Variants in MGMT observed in about 807,000 individuals in gnomAD.
MGMT encodes the protein methylated-DNA--protein-cysteine methyltransferase.
A neutral mutation model predicts 15.9 loss-of-function variants in MGMT; 14 were observed. That is an observed-to-expected ratio of 0.88 (90% CI 0.58 to 1.37). MGMT has a LOEUF of 1.37. MGMT is among the 40% of genes most tolerant of loss of function. The pLI, the probability that MGMT is intolerant of heterozygous loss-of-function variation, is 0.00. For synonymous variants in MGMT, 130 were observed against 118.2 expected (o/e 1.10, Z -0.65); for missense variants, 282 against 268.1 (o/e 1.05, Z -0.36).
intron 3 of MGMT, among the ~76,000 whole-genome samples, chr10:129,753,952 G>A (rs988500466): frequency 1.3e-5 from 2 of 152,158 alleles, no homozygotes; most frequent in African/African-American, 4.8e-5. Context: ...CAACCTGGTT[G>A]GATTTAGTTA....
intron 2 of MGMT, among the ~76,000 whole-genome samples, chr10:129,695,713 G>C (rs1044318996): frequency 6.6e-6 from 1 of 152,206 alleles, no homozygotes; most frequent in Non-Finnish European, 1.5e-5. Context: ...GCTCACAGGA[G>C]AAAGCAAGCC....
intron 1 of MGMT, among the ~76,000 whole-genome samples, chr10:129,477,624 C>T (rs893464584): frequency 6.6e-6 from 1 of 152,104 alleles, no homozygotes; most frequent in Non-Finnish European, 1.5e-5. Context: ...GAGGACACAG[C>T]GAGGAGGAGG....
At chr10:129,707,150 G>A (rs115653091) in intron 2 of MGMT, among the ~76,000 whole-genome samples, 2,934 of 152,054 alleles carry the variant, frequency 0.019, 74 homozygotes, top group East Asian at 0.067. Flanking sequence ...GGTGGCAGTC[G>A]CCTGTAATCC....
chr10:129,762,211 A>T (rs1848882238), intron 4 of MGMT, among the ~76,000 whole-genome samples: 1 of 152,256 alleles, frequency 6.6e-6, no homozygotes, highest in Non-Finnish European at 1.5e-5. Flanking sequence ...CATTGAAAAC[A>T]TCCCTTATAT....
At chr10:129,520,533 C>CAG (rs1162858965) in intron 1 of MGMT, among the ~76,000 whole-genome samples, 526 of 147,178 alleles carry the variant, frequency 3.6e-3, no homozygotes, top group African/African-American at 6.4e-3. Context: ...CTCTACAGTG[C>CAG]ATGTACAGAG....
In MGMT at chr10:129,687,560, G is replaced by A. The variant is rs188172987; in HGVS notation, c.126-20335G>A. 1.2e-3 allele frequency among the ~76,000 whole-genome samples: 176 copies of A among 152,292 alleles called. 3 individuals are homozygous for A. The highest frequency in any genetic ancestry group is 3.9e-3 in the Admixed American group (59 of 15,292). ...TTGCATACGGTGCAAATCTGTGGTA[G>A]CTCCACCCCGTCCTCCTAGTGCACA... On this transcript the variant is annotated intron_variant, in intron 2 of 4. Transcript: ENST00000651593.
chr10:129,663,853 G>T (rs1847627488), intron 2 of MGMT, among the ~76,000 whole-genome samples: 1 of 152,196 alleles, frequency 6.6e-6, no homozygotes, highest in Non-Finnish European at 1.5e-5. Context: ...TCTGAGCCCA[G>T]TTGCTTTCAC....
chr10:129,711,955 T>G (rs1047106376), intron 3 of MGMT, among the ~76,000 whole-genome samples: 1 of 152,210 alleles, frequency 6.6e-6, no homozygotes, highest in Non-Finnish European at 1.5e-5. Flanking sequence ...ATGTTTAGCT[T>G]CTTTATATAA....
In MGMT at chr10:129,710,200, G is replaced by T. The variant is rs117291335; in HGVS notation, c.274+2157G>T. Among the ~76,000 whole-genome samples the T allele has an allele frequency of 4.7e-3, 710 of 152,288 alleles. 1 individual carries two copies. The highest frequency in any genetic ancestry group is 6.5e-3 in the Non-Finnish European group (440 of 68,030). ...TGACCAGGAAGACCTCAGAGTAGCCGCCAGGATACTGGTAAAGGCTGTCTG... is the reference window on the plus strand; with the variant it reads ...TGACCAGGAAGACCTCAGAGTAGCCTCCAGGATACTGGTAAAGGCTGTCTG... On this transcript the variant is annotated intron_variant, in intron 3 of 4. Transcript: ENST00000651593.
chr10:129,590,258 A>G (rs1207436726), intron 2 of MGMT, among the ~76,000 whole-genome samples: 2 of 152,228 alleles, frequency 1.3e-5, no homozygotes, highest in Admixed American at 1.3e-4. Context: ...TACGTTTAAT[A>G]TAAAAATATA....
intron 2 of MGMT, among the ~76,000 whole-genome samples, chr10:129,651,782 G>T (rs550328124): frequency 1.3e-5 from 2 of 152,250 alleles, no homozygotes; most frequent in East Asian, 1.9e-4. Context: ...AAGGAAGAAC[G>T]GCCCTGCAGA....
At chr10:129,687,689 T>A (rs1289192676) in intron 2 of MGMT, among the ~76,000 whole-genome samples, 1 of 146,878 alleles carries the variant, frequency 6.8e-6, no homozygotes, top group Non-Finnish European at 1.5e-5. Flanking sequence ...GAAACTCACA[T>A]GTGTAGCCCT....
intron 3 of MGMT, among the ~76,000 whole-genome samples, chr10:129,729,434 G>A (rs368955225): frequency 1.3e-5 from 2 of 152,236 alleles, no homozygotes; most frequent in East Asian, 1.9e-4. Flanking sequence ...CTGTCCTGCC[G>A]AGCTGCCAGC....
At chr10:129,637,641 A>G (rs889384983) in intron 2 of MGMT, among the ~76,000 whole-genome samples, 4 of 152,054 alleles carry the variant, frequency 2.6e-5, no homozygotes, top group African/African-American at 9.7e-5. Context: ...GCGTGACTGT[A>G]TTTGGAGATG....
intron 2 of MGMT, among the ~76,000 whole-genome samples, chr10:129,645,014 A>T (rs936255529): frequency 1.9e-4 from 29 of 152,140 alleles, no homozygotes; most frequent in African/African-American, 6.3e-4. Context: ...GAATGCACTA[A>T]GCTCAAGTCA....
At chr10:129,745,603 C>T (rs1848685934) in intron 3 of MGMT, among the ~76,000 whole-genome samples, 1 of 152,180 alleles carries the variant, frequency 6.6e-6, no homozygotes, top group Non-Finnish European at 1.5e-5. Context: ...GCTGAGTGTA[C>T]GCTACCGTGT....
At chr10:129,764,973 G>A (rs1466811188) in intron 4 of MGMT, among the ~76,000 whole-genome samples, 2 of 152,110 alleles carry the variant, frequency 1.3e-5, no homozygotes, top group Non-Finnish European at 2.9e-5. Flanking sequence ...CATCTCCCAT[G>A]TGCCTTCTAC....
Position 129,768,466 on chromosome 10 carries a change from G to A in MGMT, c.*1469G>A, listed in dbSNP as rs1381018990. On this transcript the variant is annotated 3_prime_UTR_variant, in exon 5 of 5. Coordinates refer to ENST00000651593, the MANE Select transcript of MGMT (RefSeq NM_002412.5). ...GCAGGCCTCAGGTGCCGCACGCCGCGTCACCGTCAGGACTCGCAGGCTGTC... is the reference window on the plus strand; with the variant it reads ...GCAGGCCTCAGGTGCCGCACGCCGCATCACCGTCAGGACTCGCAGGCTGTC... Among the ~76,000 whole-genome samples, 2 of 152,228 alleles carry A rather than the reference G, an allele frequency of 1.3e-5. No homozygotes were observed. The highest frequency in any genetic ancestry group is 4.8e-5 in the African/African-American group (2 of 41,464).
intron 1 of MGMT, among the ~76,000 whole-genome samples, chr10:129,507,624 G>A (rs1845639249): frequency 6.6e-6 from 1 of 152,200 alleles, no homozygotes. Flanking sequence ...GAGTGGGCCG[G>A]AGGAGATGGG....
Sources: gnomAD v4.1 joint callset for allele counts (sites outside exome capture counted in the v4.1 genomes callset) on GRCh38, gnomAD v4.1.1 for gene constraint, MANE v1.5 for transcripts, NCBI Gene and HGNC (gene_info 2026-07-23, HGNC 2026-07-21) for gene names.